CMIP: variants seen among roughly 807,000 people sequenced by gnomAD.
CMIP encodes C-Maf-inducing protein.
Under a neutral mutation model 97.3 loss-of-function variants are expected in CMIP, and 13 were observed. The ratio of observed to expected loss-of-function variants is 0.13; its 90% confidence interval spans 0.09 to 0.21. CMIP has a LOEUF of 0.21. Ranked by LOEUF, CMIP falls within the 10% of genes least tolerant of loss-of-function variation. The probability of loss-of-function intolerance (pLI) is 1.00; values close to 1 mark genes in which losing one functional copy is unlikely to be tolerated. For synonymous variants in CMIP, 538 were observed against 436.3 expected, an observed-to-expected ratio of 1.23 and a Z score of -2.91; for missense variants, 847 against 1,024.9, an observed-to-expected ratio of 0.83 and a Z score of 2.37.
At chr16:81,472,972 C>T (rs1027001576) in intron 1 of CMIP, among the ~76,000 whole-genome samples, 8 of 152,172 alleles carry the variant, frequency 5.3e-5, no homozygotes, top group Admixed American at 3.3e-4. Context: ...CCTGAAGGTG[C>T]GAGGAGAGCC....
At position 81,703,983 on chromosome 16, in the gene CMIP, C is replaced by G; in HGVS notation, c.1989C>G (p.Asn663Lys). The part of the protein sequence containing the change: ...ARLLSSGSFG[N>K]LENLSLAFTN... Reference sequence around the variant, plus strand: ...TGCTGAGCTCCGGCTCCTTCGGAAACCTGGAGAACCTCAGTTTGGCCTTCA... The same window carrying G: ...TGCTGAGCTCCGGCTCCTTCGGAAAGCTGGAGAACCTCAGTTTGGCCTTCA... Residue 663 changes from asparagine (N) to lysine (K), a missense_variant, in exon 18 of 21, where the codon AAC becomes AAG. By Grantham distance (94) the Asn-to-Lys change is moderately conservative (BLOSUM62 0). This residue lies in a region of CMIP where 266 missense variants were observed against 384.2 expected (regional missense o/e 0.69). Transcript: ENST00000537098. The G allele has an allele frequency of 6.2e-7, 1 of 1,600,430 alleles. No homozygotes were observed. The highest frequency in any genetic ancestry group is 8.5e-7 in the Non-Finnish European group (1 of 1,174,550).
chr16:81,587,444 C>T (rs897968776), intron 1 of CMIP, among the ~76,000 whole-genome samples: 10 of 152,170 alleles, frequency 6.6e-5, no homozygotes, highest in Non-Finnish European at 1.5e-4. Context: ...AGTGGGGGGC[C>T]GGTTTCACCT....
At chr16:81,532,048 A>C (rs769325926) in intron 1 of CMIP, among the ~76,000 whole-genome samples, 113 of 152,308 alleles carry the variant, frequency 7.4e-4, no homozygotes, top group Non-Finnish European at 1.1e-3. Context: ...CGGGCGCTTT[A>C]TTCTGTAGTT....
At chr16:81,645,388 C>T (rs2092353073) in intron 3 of CMIP, 4 of 1,461,644 alleles carry the variant, frequency 2.7e-6, no homozygotes, top group East Asian at 5.0e-5. Context: ...GAGGCTGCGG[C>T]AGCAGCAGAG....
intron 1 of CMIP, among the ~76,000 whole-genome samples, chr16:81,447,761 T>G (rs919406184): frequency 3.3e-5 from 5 of 152,234 alleles, no homozygotes; most frequent in African/African-American, 1.2e-4. Context: ...GTCTTACCCT[T>G]GCCCTCTGGT....
intron 1 of CMIP, among the ~76,000 whole-genome samples, chr16:81,470,933 C>T (rs1907489751): frequency 6.6e-6 from 1 of 152,246 alleles, no homozygotes. Context: ...GATTGGTGTA[C>T]ATACACATAG....
intron 1 of CMIP, among the ~76,000 whole-genome samples, chr16:81,477,422 A>G (rs1371561994): frequency 6.6e-6 from 1 of 152,106 alleles, no homozygotes; most frequent in Non-Finnish European, 1.5e-5. Context: ...TGGCCTCCCA[A>G]AGTGCTGGGA....
Position 81,445,331 on chromosome 16 carries a change from C to G in CMIP, c.90C>G (p.Pro30=), listed in dbSNP as rs1373813031. Residue 30 remains proline, a synonymous_variant, in exon 1 of 21, where the codon CCC becomes CCG. Coordinates refer to ENST00000537098, the MANE Select transcript of CMIP (RefSeq NM_198390.3). ...KPLLGGDVSA[P]EGTKMGAVPC... ...TGCTGGGGGGCGACGTGTCGGCCCC[C>G]GAAGGCACGAAGATGGGCGCCGTGC... 12 of 1,591,922 alleles carry G rather than the reference C, an allele frequency of 7.5e-6. No individual in the cohort carries two copies. Among genetic ancestry groups the G allele is most frequent in the African/African-American group, 1.3e-5 (1 of 74,494 alleles).
intron 6 of CMIP, among the ~76,000 whole-genome samples, chr16:81,662,758 T>C (rs940324827): frequency 2.0e-5 from 3 of 152,212 alleles, no homozygotes; most frequent in African/African-American, 7.2e-5. Flanking sequence ...CCTCACAGCC[T>C]GTGAAGGGCT....
chr16:81,598,968 C>CAAAAAAAAGAAAAAAAAA, intron 1 of CMIP, among the ~76,000 whole-genome samples: 1 of 49,874 alleles, frequency 2.0e-5, no homozygotes, highest in South Asian at 8.5e-4. Flanking sequence ...GACTCTGTCT[C>CAAAAAAAAGAAAAAAAAA]AAAAAAAAAA....
chr16:81,631,359 G>A (rs779015541), intron 3 of CMIP: 1 of 152,174 alleles, frequency 6.6e-6, no homozygotes, highest in African/African-American at 2.4e-5. Context: ...CTCTTCCGTT[G>A]GAGCCCACAG....
At chr16:81,466,684 T>A (rs938785011) in intron 1 of CMIP, among the ~76,000 whole-genome samples, 1 of 152,202 alleles carries the variant, frequency 6.6e-6, no homozygotes, top group Admixed American at 6.5e-5. Flanking sequence ...TGCCATCCAA[T>A]TGATTGGTGA....
intron 1 of CMIP, among the ~76,000 whole-genome samples, chr16:81,592,015 G>C (rs973552107): frequency 5.3e-5 from 8 of 151,468 alleles, no homozygotes; most frequent in African/African-American, 1.5e-4. Flanking sequence ...GTAGAGACAG[G>C]GTTTTGCTAT....
chr16:81,531,340 C>A (rs1249648517), intron 1 of CMIP, among the ~76,000 whole-genome samples: 1 of 152,168 alleles, frequency 6.6e-6, no homozygotes, highest in Non-Finnish European at 1.5e-5. Flanking sequence ...CTCAGAGCCT[C>A]CGGAGGAAAT....
At chr16:81,628,809 C>G (rs2092110177) in intron 3 of CMIP, among the ~76,000 whole-genome samples, 1 of 152,100 alleles carries the variant, frequency 6.6e-6, no homozygotes, top group African/African-American at 2.4e-5. Context: ...TGAGAGCTTT[C>G]CACTTTTCCC....
At chr16:81,688,158 C>CAG (rs139556901) in intron 10 of CMIP, among the ~76,000 whole-genome samples, 5,073 of 152,288 alleles carry the variant, frequency 0.033, 151 homozygotes, top group African/African-American at 0.08. Flanking sequence ...GTGATAGAGC[C>CAG]TGAAATACCT....
chr16:81,580,438 A>T (rs1421598652), intron 1 of CMIP, among the ~76,000 whole-genome samples: 2 of 151,158 alleles, frequency 1.3e-5, no homozygotes, highest in African/African-American at 2.4e-5. Flanking sequence ...TCTTTTTTTA[A>T]TTTTTTTATT....
At chr16:81,670,922 G>A (rs1314926920) in intron 8 of CMIP, among the ~76,000 whole-genome samples, 5 of 152,202 alleles carry the variant, frequency 3.3e-5, no homozygotes, top group African/African-American at 7.2e-5. Flanking sequence ...TCCGGCTCCC[G>A]GGTTCAAGCA....
chr16:81,534,687 C>G (rs894978400), intron 1 of CMIP, among the ~76,000 whole-genome samples: 3 of 151,852 alleles, frequency 2.0e-5, no homozygotes, highest in African/African-American at 4.8e-5. Context: ...TAACCTAGAA[C>G]TAAGCACCTA....
Sources: allele counts gnomAD v4.1 joint callset (sites outside exome capture counted in the v4.1 genomes callset), GRCh38; gene constraint gnomAD v4.1.1; regional missense constraint gnomAD v4.1.1; transcripts MANE v1.5; gene names NCBI Gene and HGNC (gene_info 2026-07-23, HGNC 2026-07-21).